PRKN: variants seen among roughly 807,000 people sequenced by gnomAD.
PRKN encodes the protein parkin RBR E3 ubiquitin protein ligase, also known as E3 ubiquitin-protein ligase parkin.
Under a neutral mutation model 59.5 loss-of-function variants are expected in PRKN, and 56 were observed. The ratio of observed to expected loss-of-function variants is 0.94; its 90% CI spans 0.76 to 1.18. PRKN has a LOEUF of 1.18. Ranked by LOEUF, PRKN falls within the 50% of genes most tolerant of loss-of-function variation. The probability of loss-of-function intolerance (pLI) is 0.00; values close to 1 mark genes in which losing one functional copy is unlikely to be tolerated. For synonymous variants in PRKN, 250 were observed against 222.1 expected (o/e 1.13, Z -1.12); for missense variants, 657 against 596.4 (o/e 1.10, Z -1.06).
intron 6 of PRKN, among the ~76,000 whole-genome samples, chr6:161,796,676 C>T (rs1191470140): frequency 6.6e-6 from 1 of 151,982 alleles, no homozygotes; most frequent in Non-Finnish European, 1.5e-5. Context: ...TATAATAGTC[C>T]AAGTTCTTCA....
chr6:162,203,689 CA>C (rs1220289823), intron 3 of PRKN, among the ~76,000 whole-genome samples: 2 of 152,036 alleles, frequency 1.3e-5, no homozygotes, highest in African/African-American at 4.8e-5. Flanking sequence ...AAGGCAATTC[CA>C]AAAATGACCT....
At chr6:161,878,318 G>T (rs957270878) in intron 6 of PRKN, among the ~76,000 whole-genome samples, 5 of 151,992 alleles carry the variant, frequency 3.3e-5, no homozygotes, top group African/African-American at 9.7e-5. Context: ...TTTCAAAATG[G>T]AAACTCACTC....
chr6:161,410,608 A>G lies in PRKN; in HGVS notation c.1084-23731T>C, dbSNP rs1353207750. Among the ~76,000 whole-genome samples the G allele has an allele frequency of 3.3e-5, 5 of 152,108 alleles. No homozygotes were observed. The highest frequency in any genetic ancestry group is 5.9e-5 in the Non-Finnish European group (4 of 68,030). On this transcript the variant is annotated intron_variant, in intron 9 of 11. Coordinates refer to ENST00000366898, the MANE Select transcript of PRKN (RefSeq NM_004562.3). The surrounding 1 kb of genome is among the most constrained non-coding windows in gnomAD (Gnocchi z 5.3). ...AGGGGAAGGGCGAGCTATTTCCTCC[A>G]TTCTGGTGCTCATCGTGGGCCATGC...
chr6:162,568,792 T>C, intron 1 of PRKN: 1 of 738,692 alleles, frequency 1.4e-6, no homozygotes, highest in Non-Finnish European at 2.5e-6. Flanking sequence ...AAGCTGAAGC[T>C]AGAGGCAGAG....
intron 4 of PRKN, among the ~76,000 whole-genome samples, chr6:162,121,304 G>T (rs1005446202): frequency 3.9e-5 from 6 of 152,134 alleles, no homozygotes; most frequent in Non-Finnish European, 7.3e-5. Flanking sequence ...TAAAGCCCAT[G>T]AAAATGTAGG....
chr6:161,582,234 T>C lies in PRKN; in HGVS notation c.872-12818A>G, dbSNP rs1562540098. Reference sequence around the variant, plus strand: ...ACAACCCAATTCTTTGGATAATTCGTCTTATTTTATAATAGCAGAAACATT... The same window carrying C: ...ACAACCCAATTCTTTGGATAATTCGCCTTATTTTATAATAGCAGAAACATT... On this transcript the variant is annotated intron_variant, in intron 7 of 11. Transcript: ENST00000366898. The surrounding 1 kb of genome is among the most constrained non-coding windows in gnomAD (Gnocchi z 4.4). Among the ~76,000 whole-genome samples the C allele has an allele frequency of 2.0e-5, 3 of 152,184 alleles. No individual in the cohort carries two copies. The highest frequency in any genetic ancestry group is 2.0e-4 in the Admixed American group (3 of 15,282).
intron 4 of PRKN, among the ~76,000 whole-genome samples, chr6:162,062,435 T>C (rs1252058034): frequency 6.6e-6 from 1 of 152,184 alleles, no homozygotes; most frequent in Non-Finnish European, 1.5e-5. Flanking sequence ...TGGGCTGAAC[T>C]GCATCCCCTC....
intron 6 of PRKN, among the ~76,000 whole-genome samples, chr6:161,957,409 G>GTTGTTTTTTTTTTTTTTTTTTT (rs1562418017): frequency 1.6e-5 from 2 of 127,394 alleles, no homozygotes; most frequent in African/African-American, 3.1e-5. Flanking sequence ...TGTTCTTGTT[G>GTTGTTTTTTTTTTTTTTTTTTT]TTTTTTTTTT....
chr6:161,614,707 CTATT>C (rs1458631505), intron 7 of PRKN, among the ~76,000 whole-genome samples: 1 of 152,208 alleles, frequency 6.6e-6, no homozygotes, highest in African/African-American at 2.4e-5. Context: ...AAAAACAAAT[CTATT>C]TGGTGCCACT....
intron 1 of PRKN, among the ~76,000 whole-genome samples, chr6:162,607,520 AAG>A (rs138286282): frequency 8.6e-5 from 13 of 151,890 alleles, no homozygotes; most frequent in Non-Finnish European, 1.5e-4. Flanking sequence ...GTTGTTTCCA[AAG>A]AGAGAGAGAA....
At chr6:161,383,990 C>CAAATAAG (rs1368378167) in intron 10 of PRKN, among the ~76,000 whole-genome samples, 2 of 152,186 alleles carry the variant, frequency 1.3e-5, no homozygotes, top group African/African-American at 4.8e-5. Context: ...GCCCTGTGAT[C>CAAATAAG]AGGAACCAGA....
At chr6:161,900,810 A>G (rs1777881746) in intron 6 of PRKN, among the ~76,000 whole-genome samples, 1 of 141,212 alleles carries the variant, frequency 7.1e-6, no homozygotes, top group African/African-American at 2.6e-5. Flanking sequence ...TAATAAAATA[A>G]TATGTAATAT....
chr6:161,595,795 T>C (rs1230359479), intron 7 of PRKN, among the ~76,000 whole-genome samples: 1 of 152,158 alleles, frequency 6.6e-6, no homozygotes, highest in Non-Finnish European at 1.5e-5. Context: ...TTATGGCAAT[T>C]TGATTGCTTA....
intron 6 of PRKN, among the ~76,000 whole-genome samples, chr6:161,866,138 A>G (rs1794101748): frequency 6.6e-6 from 1 of 152,186 alleles, no homozygotes; most frequent in Non-Finnish European, 1.5e-5. Context: ...GTTGGAACAC[A>G]CACATTTATC....
At chr6:162,618,491 C>A (rs1782521764) in intron 1 of PRKN, among the ~76,000 whole-genome samples, 1 of 152,160 alleles carries the variant, frequency 6.6e-6, no homozygotes, top group Admixed American at 6.5e-5. Flanking sequence ...AGACACATTT[C>A]TCCTTTAGAA....
intron 9 of PRKN, among the ~76,000 whole-genome samples, chr6:161,543,034 C>T (rs1446831988): frequency 6.6e-6 from 1 of 151,988 alleles, no homozygotes; most frequent in Non-Finnish European, 1.5e-5. Flanking sequence ...AAATATTGAT[C>T]ATCTACATGT....
At chr6:162,156,673 T>C (rs1435161656) in intron 4 of PRKN, among the ~76,000 whole-genome samples, 2 of 152,164 alleles carry the variant, frequency 1.3e-5, no homozygotes, top group African/African-American at 4.8e-5. Flanking sequence ...TGAGTCTACC[T>C]CTCCTAGTCC....
At chr6:162,429,006 T>C (rs1400989239) in intron 2 of PRKN, among the ~76,000 whole-genome samples, 1 of 152,216 alleles carries the variant, frequency 6.6e-6, no homozygotes, top group Non-Finnish European at 1.5e-5. Context: ...TCACCAGTCC[T>C]CAGCCTATTT....
chr6:162,016,776 T>G (rs1782950237), intron 5 of PRKN, among the ~76,000 whole-genome samples: 1 of 152,074 alleles, frequency 6.6e-6, no homozygotes, highest in South Asian at 2.1e-4. Context: ...CAGGGAGATG[T>G]CATGGAGCTT....
Sources: gnomAD v4.1 joint callset for allele counts (sites outside exome capture counted in the v4.1 genomes callset) on GRCh38, gnomAD v4.1.1 for gene constraint, Gnocchi (gnomAD v3.1) non-coding constraint, MANE v1.5 for transcripts, NCBI Gene and HGNC (gene_info 2026-07-23, HGNC 2026-07-21) for gene names.